The following COL17A1 variants were observed in gnomAD, a reference collection of about 807,000 sequenced individuals.
The protein encoded by COL17A1 is collagen alpha-1(XVII) chain.
A neutral mutation model predicts 218.4 loss-of-function variants in COL17A1; 181 were observed. The observed-to-expected ratio is 0.83, with a 90% CI of 0.73 to 0.94. The LOEUF (loss-of-function observed/expected upper bound fraction) is 0.94, where lower values mean the gene tolerates loss of function less well. COL17A1 is among the 40% of genes least tolerant of loss of function. The pLI is 0.00. For synonymous variants in COL17A1, 721 were observed against 731.0 expected (o/e 0.99, Z 0.22); for missense variants, 1,924 against 1,945.9 (o/e 0.99, Z 0.21).
At position 104,042,404 on chromosome 10, in the gene COL17A1, G is replaced by A. The variant is rs780146459; in HGVS notation, c.2551+16C>T. On this transcript the variant is annotated intron_variant, in intron 36 of 55. Coordinates refer to ENST00000648076, the MANE Select transcript of COL17A1 (RefSeq NM_000494.4). ...ACTGGGCCCATCGCTTTGCATTCTT[G>A]CAGGGTGTGACATACCTTGATGTCC... is the stretch of plus-strand genomic sequence containing the variant. 2 of 1,614,078 alleles carry A rather than the reference G, an allele frequency of 1.2e-6. No homozygotes were observed. Among genetic ancestry groups the A allele is most frequent in the Non-Finnish European group, 1.7e-6 (2 of 1,179,920 alleles).
chr10:104,051,606 C>T (rs113689659), intron 24 of COL17A1, 90 bp from the exon 25 acceptor site: 52 of 1,515,392 alleles, frequency 3.4e-5, no homozygotes, highest in African/African-American at 2.6e-4. Flanking sequence ...GGGTTAGGGA[C>T]GCTGTCTTCC....
At chr10:104,046,896 C>A (rs900638239) in intron 31 of COL17A1, 123 bp from the exon 32 acceptor site, 2 of 870,390 alleles carry the variant, frequency 2.3e-6, no homozygotes, top group Non-Finnish European at 1.9e-6. Context: ...CAGAAGGACA[C>A]GTCTCATGCC....
rs779043586 is a variant in COL17A1 at position 104,034,285 on chromosome 10, C to A, written c.3816G>T (p.Pro1272=). ...GGCGGCTGTCCCCAGGGGGTCCCTG[C>A]GGCCCAGGAGGGCCTGGGGGGCCAA... ...FIVGPPGPPG[P]QGPPGDSRLL... The change falls in exon 52 of 56, where the codon CCG becomes CCT. Residue 1272 remains proline (P), a synonymous_variant. Transcript: ENST00000648076. 1.3e-6 allele frequency: 2 copies of A among 1,588,498 alleles called. No homozygotes were observed. The highest frequency in any genetic ancestry group is 1.7e-6 in the Non-Finnish European group (2 of 1,170,094).
At chr10:104,039,156 TCCAGGAAG>T (rs781301645) in intron 43 of COL17A1, 35 bp from the exon 44 acceptor site, 13 of 1,610,284 alleles carry the variant, frequency 8.1e-6, no homozygotes, top group Non-Finnish European at 1.1e-5. Flanking sequence ...CCTCACCTCC[TCCAGGAAG>T]CCTTCCCTGG....
intron 5 of COL17A1, 139 bp downstream of exon 5, chr10:104,076,162 A>C: frequency 2.3e-6 from 3 of 1,331,358 alleles, no homozygotes; most frequent in Non-Finnish European, 3.2e-6. Context: ...AAGTAATGGA[A>C]GTCCATAAAA....
chr10:104,068,305 A>G (rs536789997), intron 9 of COL17A1, among the ~76,000 whole-genome samples: 8 of 152,194 alleles, frequency 5.3e-5, no homozygotes, highest in Non-Finnish European at 2.9e-5. Context: ...ATATCATAGA[A>G]TGTCAAACTA....
intron 15 of COL17A1, among the ~76,000 whole-genome samples, chr10:104,058,550 A>T (rs946015053): frequency 6.6e-6 from 1 of 152,166 alleles, no homozygotes; most frequent in African/African-American, 2.4e-5. Flanking sequence ...GACTCTGAAC[A>T]CAAGTTCCTG....
chr10:104,050,805 C>T (rs2086461588), intron 26 of COL17A1, 43 bp downstream of exon 26: 1 of 1,614,126 alleles, frequency 6.2e-7, no homozygotes, highest in Non-Finnish European at 8.5e-7. Flanking sequence ...TGGGTCGTGT[C>T]CATCAGACCC....
chr10:104,059,681 T>C lies in COL17A1; in HGVS notation c.1179A>G (p.Gln393=). 1 of 1,614,250 alleles carries C rather than the reference T, an allele frequency of 6.2e-7. No individual in the cohort carries two copies. Among genetic ancestry groups the C allele is most frequent in the Non-Finnish European group, 8.5e-7 (1 of 1,180,028 alleles). Reference sequence around the variant, plus strand: ...GGCCTGAGTCAGCATTGTAGGCAGCTTGCTTTTCTTTTTTTAGGGTGTCTT... The same window carrying C: ...GGCCTGAGTCAGCATTGTAGGCAGCCTGCTTTTCTTTTTTTAGGGTGTCTT... ...FSEDTLKKEK[Q]AAYNADSGLK... is the part of the protein sequence containing the mutation. The change falls in exon 15 of 56, where the codon CAA becomes CAG. Residue 393 remains glutamine (Q), a synonymous_variant. Transcript: ENST00000648076.
chr10:104,038,417 T>G lies in COL17A1; in HGVS notation c.3059A>C (p.Glu1020Ala). 2 of 1,613,916 alleles carry G rather than the reference T, an allele frequency of 1.2e-6. No individual in the cohort carries two copies. Among genetic ancestry groups the G allele is most frequent in the Non-Finnish European group, 1.7e-6 (2 of 1,179,988 alleles). ...GGCCAGCTACTCACTCTGCATGTAC[T>G]CAGAGATGTACTGCTGAATCTCCTG... ...SGQEIQQYISEYMQSDSIRSY... is the reference protein window; with the variant it reads ...SGQEIQQYISAYMQSDSIRSY... The change falls in exon 45 of 56, where the codon GAG becomes GCG. Residue 1020 changes from glutamate to alanine, a missense_variant. Transcript: ENST00000648076.
chr10:104,037,522 A>C (rs542656702), intron 46 of COL17A1, 114 bp downstream of exon 46: 1 of 1,349,472 alleles, frequency 7.4e-7, no homozygotes, highest in South Asian at 1.2e-5. Context: ...CGGAATTAAA[A>C]CTCATGTTCC....
chr10:104,074,334 C>T, intron 5 of COL17A1, 103 bp from the exon 6 acceptor site: 4 of 1,526,232 alleles, frequency 2.6e-6, no homozygotes, highest in South Asian at 2.3e-5. Flanking sequence ...CTCCACAGCC[C>T]TCAGTGTTTC....
At chr10:104,080,770 A>C (rs1190425504) in intron 1 of COL17A1, 86 bp from the exon 2 acceptor site, 5 of 1,362,098 alleles carry the variant, frequency 3.7e-6, no homozygotes, top group Non-Finnish European at 5.2e-6. Flanking sequence ...CTGATAACCA[A>C]AAACATGATT....
chr10:104,083,294 T>A (rs975662048), intron 1 of COL17A1, among the ~76,000 whole-genome samples: 2 of 152,174 alleles, frequency 1.3e-5, no homozygotes, highest in African/African-American at 4.8e-5. Flanking sequence ...AGCCTGCCTA[T>A]CCTAGCAGGA....
At chr10:104,065,370 G>A (rs1462220661) in intron 9 of COL17A1, among the ~76,000 whole-genome samples, 3 of 152,152 alleles carry the variant, frequency 2.0e-5, no homozygotes, top group Non-Finnish European at 4.4e-5. Context: ...CTCCCTCCAC[G>A]GCTCTGCTAA....
chr10:104,049,812 G>T (rs537021438), intron 28 of COL17A1, among the ~76,000 whole-genome samples: 1 of 152,316 alleles, frequency 6.6e-6, no homozygotes, highest in South Asian at 2.1e-4. Context: ...TTCGGGAAGA[G>T]CTTAATTTTC....
rs2086570378 is a variant in COL17A1 at position 104,060,240 on chromosome 10, C to T, written c.1020G>A (p.Lys340=). ...TSVQSDDLLH[K]DCKFLILEKD... is the part of the protein sequence containing the mutation. The stretch of plus-strand genomic sequence containing the variant: ...TCTCTAGGATCAGGAACTTGCAGTC[C>T]TTGTGCAAAAGGTCATCGCTCTGCA... Residue 340 remains lysine (K), a synonymous_variant, in exon 14 of 56, where the codon AAG becomes AAA. Coordinates refer to ENST00000648076, the MANE Select transcript of COL17A1 (RefSeq NM_000494.4). The T allele has an allele frequency of 6.2e-7, 1 of 1,614,088 alleles. No individual in the cohort carries two copies. Among genetic ancestry groups the T allele is most frequent in the Admixed American group, 1.7e-5 (1 of 60,010 alleles).
intron 40 of COL17A1, 88 bp from the exon 41 acceptor site, chr10:104,040,087 C>A: frequency 6.9e-7 from 1 of 1,451,476 alleles, no homozygotes; most frequent in Middle Eastern, 1.7e-4. Context: ...ATAGGGGCTC[C>A]AATGCTAGAG....
chr10:104,040,010 A>G lies in COL17A1; in HGVS notation c.2762-11T>C. 2.5e-6 allele frequency: 4 copies of G among 1,613,446 alleles called. No homozygotes were observed. Among genetic ancestry groups the G allele is most frequent in the Non-Finnish European group, 3.4e-6 (4 of 1,179,846 alleles). ...TGGGGCCTGGGGGACCTGAGGGAAA[A>G]AGGCAGAGAGCTATGAGACAGGTAC... On this transcript the variant is annotated splice_polypyrimidine_tract_variant and intron_variant, in intron 40 of 55. Coordinates refer to ENST00000648076, the MANE Select transcript of COL17A1 (RefSeq NM_000494.4).
Sources: gnomAD v4.1 joint callset for allele counts (sites outside exome capture counted in the v4.1 genomes callset) on GRCh38, gnomAD v4.1.1 for gene constraint, MANE v1.5 for transcripts, NCBI Gene and HGNC (gene_info 2026-07-23, HGNC 2026-07-21) for gene names.